Variants in TLN2 observed in about 807,000 individuals in gnomAD.
The protein encoded by TLN2 is talin-2.
Under a neutral mutation model 294.7 loss-of-function variants are expected in TLN2, and 118 were observed. The ratio of observed to expected loss-of-function variants is 0.40; its 90% CI spans 0.34 to 0.47. The LOEUF is 0.47. Among genes scored for constraint, TLN2 ranks in the 20% least tolerant of loss-of-function variants. TLN2 has a pLI of 0.84. For synonymous variants in TLN2, 1,431 were observed against 1,304.5 expected (o/e 1.10, Z -2.09); for missense variants, 3,083 against 3,282.2 (o/e 0.94, Z 1.48).
chr15:62,672,237 T>TA (rs2055520062), intron 9 of TLN2, among the ~76,000 whole-genome samples: 2 of 152,240 alleles, frequency 1.3e-5, no homozygotes, highest in Non-Finnish European at 2.9e-5. Flanking sequence ...TTTAGAAACA[T>TA]CAGAATAAAT....
intron 1 of TLN2, among the ~76,000 whole-genome samples, chr15:62,471,315 A>T (rs989436391): frequency 1.3e-5 from 2 of 152,246 alleles, no homozygotes; most frequent in African/African-American, 4.8e-5. Context: ...GCTGCACTCC[A>T]GCCTGGGCAA....
intron 1 of TLN2, among the ~76,000 whole-genome samples, chr15:62,393,920 C>G (rs1032475845): frequency 2.7e-5 from 4 of 150,876 alleles, no homozygotes; most frequent in Admixed American, 2.6e-4. Flanking sequence ...GGACTGCAGG[C>G]ACGCACCACC....
At chr15:62,644,424 G>A (rs2051571087) in intron 3 of TLN2, 1 of 450,476 alleles carries the variant, frequency 2.2e-6, no homozygotes, top group Admixed American at 2.4e-5. Context: ...TCCCTAGGTG[G>A]TCTTTCTAGC....
At chr15:62,708,044 A>G (rs538108453) in intron 20 of TLN2, among the ~76,000 whole-genome samples, 2 of 152,042 alleles carry the variant, frequency 1.3e-5, no homozygotes, top group East Asian at 1.9e-4. Flanking sequence ...AGAATTTACA[A>G]GGAACTGACA....
intron 50 of TLN2, among the ~76,000 whole-genome samples, chr15:62,801,459 T>C (rs2065921627): frequency 6.6e-6 from 1 of 152,240 alleles, no homozygotes; most frequent in African/African-American, 2.4e-5. Context: ...TTCTTTTTGA[T>C]AGGAGGTCTG....
At chr15:62,391,201 C>T (rs2032053390) in intron 1 of TLN2, among the ~76,000 whole-genome samples, 1 of 152,256 alleles carries the variant, frequency 6.6e-6, no homozygotes, top group Non-Finnish European at 1.5e-5. Context: ...AACAAGTCTC[C>T]CGCCGAGGCT....
intron 2 of TLN2, among the ~76,000 whole-genome samples, chr15:62,618,062 G>A (rs534642309): frequency 4.6e-5 from 7 of 151,038 alleles, no homozygotes; most frequent in East Asian, 3.9e-4. Context: ...GCCTCTCAAC[G>A]TGTTGAGATT....
At chr15:62,672,129 G>A (rs1000913055) in intron 9 of TLN2, among the ~76,000 whole-genome samples, 1 of 152,016 alleles carries the variant, frequency 6.6e-6, no homozygotes, top group African/African-American at 2.4e-5. Flanking sequence ...AATGTGCTTT[G>A]ATCTATCATT....
intron 1 of TLN2, among the ~76,000 whole-genome samples, chr15:62,583,302 C>T (rs946896274): frequency 6.6e-6 from 1 of 151,970 alleles, no homozygotes; most frequent in African/African-American, 2.4e-5. Flanking sequence ...TTTCTTTTTC[C>T]TTCCCCCAAA....
intron 1 of TLN2, among the ~76,000 whole-genome samples, chr15:62,492,177 C>T (rs368757857): frequency 2.6e-5 from 4 of 152,078 alleles, no homozygotes; most frequent in African/African-American, 4.8e-5. Context: ...ACTGGCCGGA[C>T]GCGGTGGCTC....
chr15:62,727,934 T>C (rs1161282443), intron 28 of TLN2, among the ~76,000 whole-genome samples: 2 of 152,170 alleles, frequency 1.3e-5, no homozygotes, highest in East Asian at 1.9e-4. Context: ...GCTTTTGTTA[T>C]ACAGTAACAC....
At chr15:62,573,902 A>G (rs1314989841) in intron 1 of TLN2, among the ~76,000 whole-genome samples, 1 of 151,822 alleles carries the variant, frequency 6.6e-6, no homozygotes, top group African/African-American at 2.4e-5. Flanking sequence ...GCTCACAACT[A>G]TCTGATGAAA....
At chr15:62,486,448 C>CTTTT (rs1555415721) in intron 1 of TLN2, among the ~76,000 whole-genome samples, 1 of 106,678 alleles carries the variant, frequency 9.4e-6, no homozygotes, top group African/African-American at 3.6e-5. Flanking sequence ...GGAACAGTTC[C>CTTTT]TTTGTTTTTT....
chr15:62,560,974 GC>G (rs1287630657), intron 1 of TLN2, among the ~76,000 whole-genome samples: 11 of 152,334 alleles, frequency 7.2e-5, no homozygotes, highest in African/African-American at 2.6e-4. Flanking sequence ...AAAATGATTT[GC>G]CTTTCCATTT....
intron 3 of TLN2, among the ~76,000 whole-genome samples, chr15:62,642,805 G>A (rs1209837347): frequency 1.3e-5 from 2 of 151,492 alleles, no homozygotes; most frequent in Admixed American, 6.6e-5. Flanking sequence ...GGGTTCAAGC[G>A]ATTCTCCTGC....
At chr15:62,430,547 A>C (rs1471771983) in intron 1 of TLN2, among the ~76,000 whole-genome samples, 1 of 152,166 alleles carries the variant, frequency 6.6e-6, no homozygotes, top group Non-Finnish European at 1.5e-5. Flanking sequence ...TGAGTTAATG[A>C]TTTGCACCAC....
Position 62,655,941 on chromosome 15 carries a change from C to G in TLN2, c.518-3C>G. ...TTCTCTTATATGTCTTGTTGTGTTG[C>G]AGTAAATTGGCTGGATCACAGCCGA... On this transcript the variant is annotated splice_region_variant and splice_polypyrimidine_tract_variant and intron_variant, in intron 7 of 58. Transcript: ENST00000636159. The G allele has an allele frequency of 6.2e-7, 1 of 1,614,098 alleles. No individual in the cohort carries two copies. Among genetic ancestry groups the G allele is most frequent in the Non-Finnish European group, 8.5e-7 (1 of 1,180,006 alleles).
intron 2 of TLN2, among the ~76,000 whole-genome samples, chr15:62,617,141 G>A (rs1450399874): frequency 6.6e-6 from 1 of 152,102 alleles, no homozygotes; most frequent in African/African-American, 2.4e-5. Flanking sequence ...CACAGTGCTA[G>A]GCATTCTCAG....
chr15:62,646,819 C>T (rs1476106719), intron 3 of TLN2, among the ~76,000 whole-genome samples: 2 of 152,208 alleles, frequency 1.3e-5, no homozygotes, highest in Non-Finnish European at 2.9e-5. Context: ...CCTGAGAGGG[C>T]TTCCCTGATT....
Sources: allele counts gnomAD v4.1 joint callset (sites outside exome capture counted in the v4.1 genomes callset), GRCh38; gene constraint gnomAD v4.1.1; transcripts MANE v1.5; gene names NCBI Gene and HGNC (gene_info 2026-07-23, HGNC 2026-07-21).